CACNA1C: variants seen among roughly 807,000 people sequenced by gnomAD.
The protein encoded by CACNA1C is voltage-dependent L-type calcium channel subunit alpha-1C.
Under a neutral mutation model 229.0 loss-of-function variants are expected in CACNA1C, and 30 were observed. The observed-to-expected ratio is 0.13, with a 90% confidence interval of 0.10 to 0.18. The LOEUF (loss-of-function observed/expected upper bound fraction) is 0.18. CACNA1C is among the 10% of genes least tolerant of loss of function. The probability of loss-of-function intolerance (pLI) is 1.00; values close to 1 mark genes in which losing one functional copy is unlikely to be tolerated. For synonymous variants in CACNA1C, 1,114 were observed against 1,132.5 expected (o/e 0.98, Z 0.33); for missense variants, 1,658 against 2,845.0 (o/e 0.58, Z 9.49).
chr12:2,360,166 AC>A (rs2097522085), intron 3 of CACNA1C, among the ~76,000 whole-genome samples: 9 of 32,468 alleles, frequency 2.8e-4, no homozygotes, highest in African/African-American at 8.5e-4. Context: ...ACCCCCCCCC[AC>A]CCCCCCACCC....
intron 3 of CACNA1C, among the ~76,000 whole-genome samples, chr12:2,245,364 A>G (rs73033370): frequency 0.016 from 2,451 of 152,240 alleles, 29 homozygotes; most frequent in Non-Finnish European, 0.025. Context: ...TTAAATTTTC[A>G]TTGACTGAAC....
chr12:2,285,302 G>T lies in CACNA1C; in HGVS notation c.478-163674G>T, dbSNP rs1468134813. Among the ~76,000 whole-genome samples the T allele has an allele frequency of 1.3e-5, 2 of 152,124 alleles. No individual in the cohort carries two copies. Among genetic ancestry groups the T allele is most frequent in the Non-Finnish European group, 2.9e-5 (2 of 68,024 alleles). ...TGATAACTTGAAATGGGCAGTAGTGGGAACATTTACACCACAAAAACTGGC... is the reference window on the plus strand; with the variant it reads ...TGATAACTTGAAATGGGCAGTAGTGTGAACATTTACACCACAAAAACTGGC... On this transcript the variant is annotated intron_variant, in intron 3 of 46. Coordinates refer to ENST00000399655, the MANE Select transcript of CACNA1C (RefSeq NM_000719.7). This position sits in a 1 kb window ranked among gnomAD's most constrained non-coding sequence, Gnocchi z 4.2.
chr12:2,264,604 G>A (rs1329950086), intron 3 of CACNA1C, among the ~76,000 whole-genome samples: 3 of 152,164 alleles, frequency 2.0e-5, no homozygotes, highest in Admixed American at 6.5e-5. Flanking sequence ...GGTTCCTCCT[G>A]TTTCTCCCTA....
chr12:2,061,035 A>G (rs1447364669), intron 1 of CACNA1C, among the ~76,000 whole-genome samples: 3 of 152,266 alleles, frequency 2.0e-5, no homozygotes, highest in African/African-American at 7.2e-5. Flanking sequence ...TAGCTAAAGA[A>G]TAAATAAGGC....
At chr12:2,073,054 C>G (rs1181856825) in intron 1 of CACNA1C, among the ~76,000 whole-genome samples, 1 of 152,172 alleles carries the variant, frequency 6.6e-6, no homozygotes, top group Admixed American at 6.5e-5. Context: ...CACACATTCT[C>G]AGTGGCGGCA....
intron 8 of CACNA1C, among the ~76,000 whole-genome samples, chr12:2,511,742 G>A (rs1281096453): frequency 6.6e-6 from 1 of 152,076 alleles, no homozygotes; most frequent in Non-Finnish European, 1.5e-5. Flanking sequence ...GCCTTCTCCT[G>A]CCAGCCTCCT....
At position 2,029,071 on chromosome 12, in the gene CACNA1C, A is replaced by G. The variant is rs1046251147; in HGVS notation, c.139+57870A>G. Among the ~76,000 whole-genome samples the G allele has an allele frequency of 8.5e-5, 13 of 152,132 alleles. 1 individual carries two copies. Among genetic ancestry groups the G allele is most frequent in the Admixed American group, 8.5e-4 (13 of 15,272 alleles). On this transcript the variant is annotated intron_variant, in intron 1 of 46. Coordinates refer to the CACNA1C transcript ENST00000682462. The surrounding 1 kb of genome is among the most constrained non-coding windows in gnomAD (Gnocchi z 4.9). Reference sequence around the variant, plus strand: ...ATCATAGACCATTTGGACTGGAGGCATGTCTTATGTTACAAGTACCTGAGT... The same window carrying G: ...ATCATAGACCATTTGGACTGGAGGCGTGTCTTATGTTACAAGTACCTGAGT...
At chr12:2,174,222 A>G (rs2096579995) in intron 3 of CACNA1C, among the ~76,000 whole-genome samples, 6 of 152,154 alleles carry the variant, frequency 3.9e-5, no homozygotes, top group African/African-American at 1.4e-4. Flanking sequence ...AGAAAACTCT[A>G]GACATCACCA....
chr12:2,004,647 C>T, intron 1 of CACNA1C: 1 of 633,538 alleles, frequency 1.6e-6, no homozygotes, highest in Non-Finnish European at 2.7e-6. Context: ...TTGCCACTGG[C>T]AACGACAAGC....
At chr12:2,351,624 C>G (rs1490328178) in intron 3 of CACNA1C, among the ~76,000 whole-genome samples, 1 of 152,180 alleles carries the variant, frequency 6.6e-6, no homozygotes, top group Non-Finnish European at 1.5e-5. Context: ...TGGGTTATTT[C>G]TAAGGTCTTT....
At chr12:2,145,149 A>G (rs1440909428) in intron 3 of CACNA1C, among the ~76,000 whole-genome samples, 1 of 151,356 alleles carries the variant, frequency 6.6e-6, no homozygotes, top group Non-Finnish European at 1.5e-5. Context: ...ACCTATTAGC[A>G]AGACTTTAAA....
At chr12:2,686,095 A>G in intron 44 of CACNA1C, 71 bp from the exon 45 acceptor site, 1 of 1,230,600 alleles carries the variant, frequency 8.1e-7, no homozygotes, top group Non-Finnish European at 1.2e-6. Flanking sequence ...GCACCCCACC[A>G]GGGTGTAAAC....
intron 3 of CACNA1C, among the ~76,000 whole-genome samples, chr12:2,306,925 T>C (rs1270456681): frequency 6.6e-6 from 1 of 152,158 alleles, no homozygotes. Context: ...ACTAGTAGCG[T>C]CCATTGGCTG....
chr12:2,186,695 T>A (rs2154291057), intron 3 of CACNA1C, among the ~76,000 whole-genome samples: 1 of 152,310 alleles, frequency 6.6e-6, no homozygotes, highest in South Asian at 2.1e-4. Context: ...TGGGATTTCT[T>A]AAGTGATTAC....
chr12:2,209,033 C>T (rs932435999), intron 3 of CACNA1C, among the ~76,000 whole-genome samples: 3 of 152,170 alleles, frequency 2.0e-5, no homozygotes, highest in South Asian at 4.1e-4. Context: ...CGCAGAGCCC[C>T]GCGCCAGCTC....
rs1603298012 is a variant in CACNA1C at position 2,647,130 on chromosome 12, C to A, written c.3913-1345C>A. On this transcript the variant is annotated intron_variant, in intron 30 of 46. Transcript: ENST00000399655. The surrounding 1 kb of genome is among the most constrained non-coding windows in gnomAD (Gnocchi z 4.2). ...CTGCAAGCAAATGTCTAGTTGTGCA[C>A]ATTTCCATCCTTCAAAAATTCCATA... 6.6e-6 allele frequency among the ~76,000 whole-genome samples: 1 copy of A among 152,224 alleles called. No homozygotes were observed. Among genetic ancestry groups the A allele is most frequent in the East Asian group, 1.9e-4 (1 of 5,206 alleles).
intron 9 of CACNA1C, among the ~76,000 whole-genome samples, chr12:2,538,788 A>AT (rs2099861914): frequency 6.6e-6 from 1 of 152,260 alleles, no homozygotes; most frequent in Non-Finnish European, 1.5e-5. Context: ...TAGAAAAGTC[A>AT]TAAGGAATAA....
chr12:2,231,662 G>A (rs1430526332), intron 3 of CACNA1C, among the ~76,000 whole-genome samples: 1 of 152,028 alleles, frequency 6.6e-6, no homozygotes, highest in African/African-American at 2.4e-5. Flanking sequence ...TGCAAGCAGC[G>A]CCCGGTACAC....
intron 5 of CACNA1C, among the ~76,000 whole-genome samples, chr12:2,458,236 T>C (rs1438666683): frequency 6.6e-6 from 1 of 152,268 alleles, no homozygotes; most frequent in Non-Finnish European, 1.5e-5. Context: ...ATACCACGCC[T>C]GTCATTGTGA....
Sources: gnomAD v4.1 joint callset for allele counts (sites outside exome capture counted in the v4.1 genomes callset) on GRCh38, gnomAD v4.1.1 for gene constraint, Gnocchi (gnomAD v3.1) non-coding constraint, MANE v1.5 for transcripts, NCBI Gene and HGNC (gene_info 2026-07-23, HGNC 2026-07-21) for gene names.